KIF26B: variants seen among roughly 807,000 people sequenced by gnomAD.
KIF26B encodes kinesin-like protein KIF26B.
In KIF26B, 63 loss-of-function variants were observed where a neutral mutation model predicts 151.2. The ratio of observed to expected loss-of-function variants is 0.42; its 90% confidence interval spans 0.34 to 0.51. The LOEUF (loss-of-function observed/expected upper bound fraction) is 0.51, where lower values mean the gene tolerates loss of function less well. Ranked by LOEUF, KIF26B falls within the 20% of genes least tolerant of loss-of-function variation. The pLI, the probability that KIF26B is intolerant of heterozygous loss-of-function variation, is 0.07. For missense variants in KIF26B, 2,813 were observed against 2,913.6 expected (o/e 0.97, Z 0.79); for synonymous variants, 1,357 against 1,262.1 (o/e 1.08, Z -1.59).
At chr1:245,552,501 G>A (rs778585338) in intron 5 of KIF26B, among the ~76,000 whole-genome samples, 7 of 152,018 alleles carry the variant, frequency 4.6e-5, no homozygotes, top group Non-Finnish European at 1.0e-4. Context: ...CATTACCATC[G>A]CACTAGGGGA....
chr1:245,345,158 G>A (rs1672421930), intron 2 of KIF26B, among the ~76,000 whole-genome samples: 1 of 152,212 alleles, frequency 6.6e-6, no homozygotes, highest in Non-Finnish European at 1.5e-5. Flanking sequence ...ATAGGCGCAA[G>A]TGAGGAGATG....
chr1:245,181,266 C>T (rs1668901508), intron 2 of KIF26B, among the ~76,000 whole-genome samples: 1 of 152,038 alleles, frequency 6.6e-6, no homozygotes, highest in African/African-American at 2.4e-5. Context: ...TAAGATTGCC[C>T]CTGTCTTTGT....
chr1:245,374,137 A>G (rs868820062), intron 3 of KIF26B, among the ~76,000 whole-genome samples: 2 of 107,204 alleles, frequency 1.9e-5, no homozygotes, highest in African/African-American at 3.3e-5. Context: ...ATATATATAT[A>G]TGGGCACAAA....
At chr1:245,422,406 G>A (rs960802187) in intron 4 of KIF26B, among the ~76,000 whole-genome samples, 2 of 152,000 alleles carry the variant, frequency 1.3e-5, no homozygotes, top group African/African-American at 4.8e-5. Context: ...TAACCCCCCT[G>A]TCACTGAGGG....
chr1:245,640,158 T>TAC (rs1553299326), intron 9 of KIF26B, among the ~76,000 whole-genome samples: 1 of 90,254 alleles, frequency 1.1e-5, no homozygotes, highest in Non-Finnish European at 2.4e-5. Flanking sequence ...TATATATATA[T>TAC]ATACCCTGCT....
At chr1:245,187,049 G>T (rs576756459) in intron 2 of KIF26B, among the ~76,000 whole-genome samples, 114 of 152,116 alleles carry the variant, frequency 7.5e-4, no homozygotes, top group African/African-American at 2.4e-3. Flanking sequence ...TAGAGACAGG[G>T]TTTCACCATG....
At chr1:245,470,762 C>T (rs955087030) in intron 4 of KIF26B, among the ~76,000 whole-genome samples, 5 of 152,022 alleles carry the variant, frequency 3.3e-5, no homozygotes, top group Admixed American at 2.6e-4. Flanking sequence ...CTCTGTGTCT[C>T]CTGAAGGACA....
At chr1:245,379,662 G>T (rs1201641855) in intron 3 of KIF26B, among the ~76,000 whole-genome samples, 1 of 151,480 alleles carries the variant, frequency 6.6e-6, no homozygotes, top group African/African-American at 2.4e-5. Flanking sequence ...TGCAAGTTTC[G>T]ATAAATTGGA....
intron 2 of KIF26B, among the ~76,000 whole-genome samples, chr1:245,346,023 C>A (rs1244441358): frequency 6.6e-6 from 1 of 151,672 alleles, no homozygotes; most frequent in Non-Finnish European, 1.5e-5. Context: ...ACTTCTGCCC[C>A]CTGGGTTCAA....
In KIF26B at chr1:245,437,351, A is replaced by C. The variant is rs539817054; in HGVS notation, c.1166+17606A>C. Among the ~76,000 whole-genome samples, 8 of 152,272 alleles carry C rather than the reference A, an allele frequency of 5.3e-5. No individual in the cohort carries two copies. The East Asian group carries it at 1.5e-3, about 29-fold the overall frequency. ...TGAATGTAATCCCCGTGTCTTTTGG[A>C]TAAATCAGAGAATCCCATATCATTT... On this transcript the variant is annotated intron_variant, in intron 4 of 14. Transcript: ENST00000407071.
At chr1:245,326,280 A>G (rs1558389833) in intron 2 of KIF26B, among the ~76,000 whole-genome samples, 1 of 152,220 alleles carries the variant, frequency 6.6e-6, no homozygotes, top group Non-Finnish European at 1.5e-5. Flanking sequence ...TTTAGAAAGA[A>G]AACAAGCCGT....
At chr1:245,336,533 G>GGACT (rs1198060368) in intron 2 of KIF26B, among the ~76,000 whole-genome samples, 1 of 152,190 alleles carries the variant, frequency 6.6e-6, no homozygotes, top group Non-Finnish European at 1.5e-5. Flanking sequence ...AGGACTAGCT[G>GGACT]GACTGGCAGG....
At chr1:245,605,682 C>T (rs2043444274) in intron 6 of KIF26B, among the ~76,000 whole-genome samples, 1 of 152,112 alleles carries the variant, frequency 6.6e-6, no homozygotes, top group African/African-American at 2.4e-5. Flanking sequence ...CTCGAGAAGG[C>T]TGCATGCCTC....
Position 245,344,139 on chromosome 1 carries a change from C to T in KIF26B, c.466-22695C>T, listed in dbSNP as rs142953710. On this transcript the variant is annotated intron_variant, in intron 2 of 14. Coordinates refer to ENST00000407071, the MANE Select transcript of KIF26B (RefSeq NM_018012.4). Reference sequence around the variant, plus strand: ...TTCTCTTTTTTCCTTTCTTTCTCTCCCTGTTTCTCTGTCTCTCCTTCCCCC... The same window carrying T: ...TTCTCTTTTTTCCTTTCTTTCTCTCTCTGTTTCTCTGTCTCTCCTTCCCCC... Among the ~76,000 whole-genome samples, 85 of 149,622 alleles carry T rather than the reference C, an allele frequency of 5.7e-4. 2 individuals carry two copies. Among genetic ancestry groups the T allele is most frequent in the African/African-American group, 1.8e-3 (74 of 40,120 alleles).
intron 2 of KIF26B, among the ~76,000 whole-genome samples, chr1:245,331,262 C>G (rs917122037): frequency 6.6e-6 from 1 of 152,058 alleles, no homozygotes; most frequent in African/African-American, 2.4e-5. Flanking sequence ...CCCAGCGCCA[C>G]GGTGCCAAGT....
chr1:245,642,138 C>T (rs931934890), intron 9 of KIF26B, among the ~76,000 whole-genome samples: 2 of 152,176 alleles, frequency 1.3e-5, no homozygotes, highest in Non-Finnish European at 2.9e-5. Context: ...CACTGGCCAC[C>T]AGGGACCTGA....
chr1:245,449,875 C>A (rs965794623), intron 4 of KIF26B, among the ~76,000 whole-genome samples: 4 of 152,202 alleles, frequency 2.6e-5, no homozygotes, highest in Admixed American at 2.6e-4. Context: ...GTGCTTTTTA[C>A]AGTCTGCTTG....
At chr1:245,305,397 A>G (rs1671516740) in intron 2 of KIF26B, among the ~76,000 whole-genome samples, 1 of 152,230 alleles carries the variant, frequency 6.6e-6, no homozygotes, top group Non-Finnish European at 1.5e-5. Context: ...CCACTCAATA[A>G]TAAAAAGACA....
intron 9 of KIF26B, among the ~76,000 whole-genome samples, chr1:245,621,200 A>G (rs972183186): frequency 2.0e-5 from 3 of 152,178 alleles, no homozygotes; most frequent in African/African-American, 7.2e-5. Context: ...TTTGGGAGGA[A>G]CTACGACGGT....
Sources: allele counts gnomAD v4.1 joint callset (sites outside exome capture counted in the v4.1 genomes callset), GRCh38; gene constraint gnomAD v4.1.1; transcripts MANE v1.5; gene names NCBI Gene and HGNC (gene_info 2026-07-23, HGNC 2026-07-21).